Variants in NOLC1 observed in about 807,000 individuals in gnomAD.
NOLC1 encodes nucleolar and coiled-body phosphoprotein 1.
A neutral mutation model predicts 73.4 loss-of-function variants in NOLC1; 37 were observed. The observed-to-expected ratio is 0.50, with a 90% CI of 0.39 to 0.66. NOLC1 has a LOEUF of 0.66. NOLC1 is among the 30% of genes least tolerant of loss of function. The probability of loss-of-function intolerance (pLI) is 0.00; values close to 1 mark genes in which losing one functional copy is unlikely to be tolerated. For missense variants in NOLC1, 921 were observed against 838.9 expected (o/e 1.10, Z -1.21); for synonymous variants, 327 against 302.6 (o/e 1.08, Z -0.84).
In NOLC1 at chr10:102,152,632, G is replaced by A. The variant is rs1269015613; in HGVS notation, c.120+102G>A. ...GGTGGGGAAGTCTGGGGGTCCGCCA[G>A]TCCAGTGTCTGCAAGGCCTTTACGC... is the stretch of plus-strand genomic sequence containing the variant. On this transcript the variant is annotated intron_variant, in intron 1 of 12. Coordinates refer to ENST00000605788, the MANE Select transcript of NOLC1 (RefSeq NM_004741.5). 2.0e-6 allele frequency: 3 copies of A among 1,534,160 alleles called. No homozygotes were observed. The African/African-American group carries it at 4.1e-5, about 21-fold the overall frequency.
At position 102,155,981 on chromosome 10, in the gene NOLC1, C is replaced by T. The variant is rs1281960151; in HGVS notation, c.121-1038C>T. Among the ~76,000 whole-genome samples the T allele has an allele frequency of 4.0e-5, 6 of 151,640 alleles. No individual in the cohort carries two copies. The East Asian group carries it at 7.8e-4, about 20-fold the overall frequency. ...AAACGATTCTTCTGCCTCAGCCTCC[C>T]GAGTACCTGGGATTACAGGCGCCTG... On this transcript the variant is annotated intron_variant, in intron 1 of 12. Coordinates refer to ENST00000605788, the MANE Select transcript of NOLC1 (RefSeq NM_004741.5).
In NOLC1 at chr10:102,160,242, C is replaced by G. The variant is rs567721213; in HGVS notation, c.998C>G (p.Ser333Cys). Residue 333 changes from serine (S) to cysteine (C), a missense_variant, in exon 9 of 13, where the codon TCT (serine) becomes TGT (cysteine). Physicochemically the swap from Ser to Cys is moderately radical, Grantham distance 112 (BLOSUM62 -1). Coordinates refer to ENST00000605788, the MANE Select transcript of NOLC1 (RefSeq NM_004741.5). ...EDSSDESDSSSEEEKKPPTKA... is the reference protein window; with the variant it reads ...EDSSDESDSSCEEEKKPPTKA... Reference sequence around the variant, plus strand: ...TACAGGTTCTCCTCAGATTCAAGTTCTGAAGAAGAGAAGAAACCCCCAACT... The same window carrying G: ...TACAGGTTCTCCTCAGATTCAAGTTGTGAAGAAGAGAAGAAACCCCCAACT... 1 of 1,613,952 alleles carries G rather than the reference C, an allele frequency of 6.2e-7. No individual in the cohort carries two copies. The highest frequency in any genetic ancestry group is 1.1e-5 in the South Asian group (1 of 91,070).
In NOLC1 at chr10:102,157,255, G is replaced by A; in HGVS notation, c.243G>A (p.Lys81=). The A allele has an allele frequency of 2.5e-6, 4 of 1,614,222 alleles. No individual in the cohort carries two copies. The highest frequency in any genetic ancestry group is 3.4e-6 in the Non-Finnish European group (4 of 1,180,038). The change falls in exon 3 of 13, where the codon AAG becomes AAA. Residue 81 remains lysine (K), a synonymous_variant. Coordinates refer to ENST00000605788, the MANE Select transcript of NOLC1 (RefSeq NM_004741.5). ...NGPVAKKAKK[K]ASSSDSEDSS... is the part of the protein sequence containing the mutation. The stretch of plus-strand genomic sequence containing the variant: ...CAGTGGCTAAGAAAGCTAAGAAGAA[G>A]GCCTCATCCAGTGACAGTGAGGACA...
chr10:102,159,843 CAAAA>C (rs759330032), intron 7 of NOLC1, 49 bp from the exon 8 acceptor site: 256 of 1,449,178 alleles, frequency 1.8e-4, no homozygotes, highest in Middle Eastern at 3.6e-4. Context: ...AAAGTAGTAT[CAAAA>C]AAAGTTGTAG....
rs749576574 is a variant in NOLC1 at position 102,159,864 on chromosome 10, C to T, written c.860-32C>T. 52 of 1,498,654 alleles carry T rather than the reference C, an allele frequency of 3.5e-5. No homozygotes were observed. In the East Asian group the frequency reaches 7.7e-4, roughly 22 times the overall value. The allele number at this position is 1,498,654 out of a possible 1,614,324, so 92.8% of individuals were successfully genotyped here. ...GTATCAAAAAAAGTTGTAGACATAT[C>T]CTAAAACCATCACACTATCCTTTTT... is the stretch of plus-strand genomic sequence containing the variant. On this transcript the variant is annotated intron_variant, in intron 7 of 12. Transcript: ENST00000605788.
intron 4 of NOLC1, 35 bp from the exon 5 acceptor site, chr10:102,158,014 T>C: frequency 1.3e-6 from 2 of 1,597,668 alleles, no homozygotes; most frequent in Non-Finnish European, 1.7e-6. Context: ...CCCGGAAGCT[T>C]TTGCTGATTT....
chr10:102,159,688 A>T, intron 7 of NOLC1, 120 bp downstream of exon 7: 2 of 1,160,208 alleles, frequency 1.7e-6, no homozygotes, highest in South Asian at 3.2e-5. Context: ...AGCTTCTCCG[A>T]GCACTAGTGA....
At position 102,157,448 on chromosome 10, in the gene NOLC1, G is replaced by A; in HGVS notation, c.334G>A (p.Val112Ile). 1 of 1,614,186 alleles carries A rather than the reference G, an allele frequency of 6.2e-7. No homozygotes were observed. Among genetic ancestry groups the A allele is most frequent in the East Asian group, 2.2e-5 (1 of 44,890 alleles). Residue 112 changes from valine to isoleucine, a missense_variant, in exon 4 of 13, where the codon GTC (valine) becomes ATC (isoleucine). Transcript: ENST00000605788. ...TTGTTCAGCTGTACCTGCCAAGCGA[G>A]TCGGTCTGCCTCCTGGGAAGGCTGC... The part of the protein sequence containing the change: ...AKKAAVPAKR[V>I]GLPPGKAAAK...
At chr10:102,161,704 A>C in intron 11 of NOLC1, 42 bp downstream of exon 11, 1 of 1,581,218 alleles carries the variant, frequency 6.3e-7, no homozygotes, top group Non-Finnish European at 8.7e-7. Context: ...GCTCTTTAAA[A>C]GTAGAAAAAT....
chr10:102,157,694 G>A (rs1321665534), intron 4 of NOLC1, 139 bp downstream of exon 4: 1 of 1,060,144 alleles, frequency 9.4e-7, no homozygotes, highest in African/African-American at 1.6e-5. Context: ...GGGATTTTCA[G>A]GGAGCTGATA....
rs1433454030 is a variant in NOLC1 at position 102,162,224 on chromosome 10, C to G, written c.2055C>G (p.Gly685=). 6.2e-7 allele frequency: 1 copy of G among 1,614,128 alleles called. No individual in the cohort carries two copies. Among genetic ancestry groups the G allele is most frequent in the East Asian group, 2.2e-5 (1 of 44,878 alleles). The change falls in exon 13 of 13, where the codon GGC becomes GGG. Residue 685 remains glycine (G), a synonymous_variant. Coordinates refer to ENST00000605788, the MANE Select transcript of NOLC1 (RefSeq NM_004741.5). ...TKKKRGSYRG[G]SISVQVNSIK... ...AGAAGCGGGGCAGCTACCGGGGAGG[C>G]TCAATCTCTGTCCAGGTCAATTCTA... is the stretch of plus-strand genomic sequence containing the variant.
At chr10:102,152,570 C>G in intron 1 of NOLC1, 40 bp downstream of exon 1, 1 of 1,611,592 alleles carries the variant, frequency 6.2e-7, no homozygotes, top group Non-Finnish European at 8.5e-7. Flanking sequence ...GCTGAGATGA[C>G]CACAAGGCTT....
At chr10:102,157,905 G>T in intron 4 of NOLC1, 144 bp from the exon 5 acceptor site, 2 of 734,344 alleles carry the variant, frequency 2.7e-6, no homozygotes, top group Admixed American at 3.0e-5. Flanking sequence ...GAACTTTGTT[G>T]TTTTTTGCCC....
chr10:102,160,845 C>T lies in NOLC1; in HGVS notation c.1493C>T (p.Ala498Val). ...SAVKKKPQKV[A>V]GGAAPSKPAS... ...GTTAAGAAGAAGCCACAGAAGGTAG[C>T]AGGAGGTGCAGCCCCTTCCAAGCCA... The change falls in exon 10 of 13, where the codon GCA becomes GTA. Residue 498 changes from alanine to valine, a missense_variant. Physicochemically the swap from Ala to Val is moderately conservative, Grantham distance 64 (BLOSUM62 0). Transcript: ENST00000605788. The T allele has an allele frequency of 1.2e-6, 2 of 1,614,060 alleles. No individual in the cohort carries two copies. The highest frequency in any genetic ancestry group is 1.6e-4 in the Middle Eastern group (1 of 6,062).
intron 9 of NOLC1, 50 bp downstream of exon 9, chr10:102,160,393 C>T: frequency 1.2e-6 from 2 of 1,613,096 alleles, no homozygotes. Context: ...CAGGCAGCTG[C>T]TAAGGGCTCC....
chr10:102,157,989 G>C, intron 4 of NOLC1, 60 bp from the exon 5 acceptor site: 1 of 1,491,282 alleles, frequency 6.7e-7, no homozygotes, highest in Non-Finnish European at 9.2e-7. Flanking sequence ...AGGAACCTAG[G>C]ATGCCCTTTG....
At position 102,160,849 on chromosome 10, in the gene NOLC1, A is replaced by G. The variant is rs2069694831; in HGVS notation, c.1497A>G (p.Gly499=). The change falls in exon 10 of 13, where the codon GGA becomes GGG. Residue 499 remains glycine (G), a synonymous_variant. Coordinates refer to ENST00000605788, the MANE Select transcript of NOLC1 (RefSeq NM_004741.5). The part of the protein sequence containing the change: ...AVKKKPQKVA[G]GAAPSKPASA... ...AGAAGAAGCCACAGAAGGTAGCAGG[A>G]GGTGCAGCCCCTTCCAAGCCAGCCT... The G allele has an allele frequency of 6.2e-7, 1 of 1,614,212 alleles. No individual in the cohort carries two copies. Among genetic ancestry groups the G allele is most frequent in the South Asian group, 1.1e-5 (1 of 91,090 alleles).
In NOLC1 at chr10:102,163,520, A is replaced by T. The variant is rs1309946755; in HGVS notation, c.*1251A>T. On this transcript the variant is annotated 3_prime_UTR_variant, in exon 13 of 13. Coordinates refer to ENST00000605788, the MANE Select transcript of NOLC1 (RefSeq NM_004741.5). ...ACACAAACCAGTGACCAGAGATAAC[A>T]GCTTTTAGGCCAAGCTGGCCTGACG... The T allele has an allele frequency of 1.3e-5, 2 of 152,222 alleles. No homozygotes were observed. The highest frequency in any genetic ancestry group is 2.9e-5 in the Non-Finnish European group (2 of 68,046). 9.4% of individuals were successfully genotyped at this position (152,222 alleles called of 1,614,324 possible). A position where few individuals can be genotyped will look rare whatever the true frequency, so the allele number is the denominator to read the frequency against.
At position 102,160,967 on chromosome 10, in the gene NOLC1, C is replaced by T. The variant is rs749739902; in HGVS notation, c.1615C>T (p.Pro539Ser). The T allele has an allele frequency of 1.4e-5, 23 of 1,614,110 alleles. No individual in the cohort carries two copies. The South Asian group carries it at 2.0e-4, about 14-fold the overall frequency. Residue 539 changes from proline to serine, a missense_variant, in exon 10 of 13, where the codon CCA (proline) becomes TCA (serine). Coordinates refer to ENST00000605788, the MANE Select transcript of NOLC1 (RefSeq NM_004741.5). ...AGAGAAGCTCAAGGGCAAGGGCTCT[C>T]CAAGACCACAAGCCCCCAAGGCCAA... Reference protein sequence around the residue: ...EEEKLKGKGSPRPQAPKANGT... With the variant: ...EEEKLKGKGSSRPQAPKANGT...
Sources: gnomAD v4.1 joint callset for allele counts (sites outside exome capture counted in the v4.1 genomes callset) on GRCh38, gnomAD v4.1.1 for gene constraint, MANE v1.5 for transcripts, NCBI Gene and HGNC (gene_info 2026-07-23, HGNC 2026-07-21) for gene names.